The following FOCAD variants were observed in gnomAD, a reference collection of about 807,000 sequenced individuals.
FOCAD encodes KIAA1797.
FOCAD carries 198 observed loss-of-function variants against 225.6 expected under a neutral mutation model. That is an observed-to-expected ratio of 0.88 (90% confidence interval 0.78 to 0.99). The LOEUF (loss-of-function observed/expected upper bound fraction) is 0.99. Ranked by LOEUF, FOCAD falls within the 50% of genes least tolerant of loss-of-function variation. The pLI is 0.00. For synonymous variants in FOCAD, 897 were observed against 755.0 expected (o/e 1.19, Z -3.08); for missense variants, 2,713 against 2,123.6 (o/e 1.28, Z -5.46).
intron 37 of FOCAD, 72 bp from the exon 38 acceptor site, chr9:20,981,354 G>T (rs1840682000): frequency 1.3e-6 from 2 of 1,499,580 alleles, no homozygotes; most frequent in Non-Finnish European, 1.8e-6. Context: ...ACACAGTGAT[G>T]ATGTACAGGT....
At chr9:20,749,102 C>A (rs1301800954) in intron 5 of FOCAD, among the ~76,000 whole-genome samples, 1 of 152,070 alleles carries the variant, frequency 6.6e-6, no homozygotes, top group East Asian at 1.9e-4. Context: ...TGTTTCCCCC[C>A]AACCAATTAC....
intron 15 of FOCAD, among the ~76,000 whole-genome samples, chr9:20,834,865 T>C (rs893201246): frequency 3.9e-5 from 6 of 152,154 alleles, no homozygotes; most frequent in African/African-American, 1.4e-4. Flanking sequence ...ATACAAACTA[T>C]ATAACATTAG....
intron 15 of FOCAD, among the ~76,000 whole-genome samples, chr9:20,850,666 A>T (rs1827556907): frequency 6.6e-6 from 1 of 151,626 alleles, no homozygotes; most frequent in South Asian, 2.1e-4. Context: ...TTATGCTTTA[A>T]ACTTGATTTT....
In FOCAD at chr9:20,946,949, A is replaced by C. The variant is rs1038459482; in HGVS notation, c.3675+129A>C. 16 of 1,192,672 alleles carry C rather than the reference A, an allele frequency of 1.3e-5. No individual in the cohort carries two copies. The African/African-American group carries it at 2.2e-4, about 16-fold the overall frequency. 73.9% of individuals were successfully genotyped at this position (1,192,672 alleles called of 1,614,324 possible). On this transcript the variant is annotated intron_variant, in intron 30 of 43. Coordinates refer to ENST00000338382, the MANE Select transcript of FOCAD (RefSeq NM_001375567.1). Reference sequence around the variant, plus strand: ...GTCTAGAACTGAGGAACTTCTAACTATTCTCTTTTCTCACAGCTGTAGCCA... The same window carrying C: ...GTCTAGAACTGAGGAACTTCTAACTCTTCTCTTTTCTCACAGCTGTAGCCA...
intron 15 of FOCAD, among the ~76,000 whole-genome samples, chr9:20,859,044 C>T (rs1828504831): frequency 6.6e-6 from 1 of 151,924 alleles, no homozygotes; most frequent in South Asian, 2.1e-4. Flanking sequence ...CTCCTCAGCA[C>T]TTTTAAGATC....
chr9:20,656,581 C>G (rs1348151933), upstream of FOCAD, among the ~76,000 whole-genome samples: 2 of 151,680 alleles, frequency 1.3e-5, no homozygotes, highest in Non-Finnish European at 1.5e-5. Context: ...TCTGTTTTAT[C>G]AGAGACTAGT....
At chr9:20,856,011 T>A (rs1198567527) in intron 15 of FOCAD, among the ~76,000 whole-genome samples, 1 of 152,004 alleles carries the variant, frequency 6.6e-6, no homozygotes, top group Non-Finnish European at 1.5e-5. Flanking sequence ...CTTAGGTTGC[T>A]TCCAAATCTT....
chr9:20,767,454 G>T (rs1357200728), intron 7 of FOCAD, among the ~76,000 whole-genome samples: 1 of 148,760 alleles, frequency 6.7e-6, no homozygotes. Flanking sequence ...GTGTAAAAGT[G>T]TTCCTATTTC....
intron 14 of FOCAD, 67 bp downstream of exon 14, chr9:20,821,138 G>A: frequency 6.8e-7 from 1 of 1,462,390 alleles, no homozygotes; most frequent in South Asian, 1.4e-5. Flanking sequence ...TTTTTTAATT[G>A]CAAGCAAGAG....
At chr9:20,784,981 A>G (rs1458207193) in intron 10 of FOCAD, among the ~76,000 whole-genome samples, 4 of 151,282 alleles carry the variant, frequency 2.6e-5, no homozygotes, top group Non-Finnish European at 5.9e-5. Context: ...TAGTGACTGA[A>G]TCTGTGTGGT....
intron 8 of FOCAD, among the ~76,000 whole-genome samples, chr9:20,770,928 T>C (rs1412976473): frequency 6.6e-6 from 1 of 152,190 alleles, no homozygotes; most frequent in Non-Finnish European, 1.5e-5. Flanking sequence ...ATAGAATACA[T>C]AGATGAAAAG....
intron 27 of FOCAD, among the ~76,000 whole-genome samples, chr9:20,929,926 C>CT (rs928144241): frequency 2.0e-5 from 3 of 152,042 alleles, no homozygotes; most frequent in Non-Finnish European, 4.4e-5. Flanking sequence ...TAAAAAGCTT[C>CT]TTTTTTCTGG....
intron 5 of FOCAD, among the ~76,000 whole-genome samples, chr9:20,749,314 A>C (rs1828340212): frequency 6.6e-6 from 1 of 152,158 alleles, no homozygotes; most frequent in Admixed American, 6.6e-5. Context: ...AAAAATGACA[A>C]AATTAAAGTT....
chr9:20,767,918 G>A (rs1422027315), intron 7 of FOCAD, among the ~76,000 whole-genome samples: 1 of 152,142 alleles, frequency 6.6e-6, no homozygotes, highest in Non-Finnish European at 1.5e-5. Context: ...TGTCCTGAAT[G>A]GTGATGCCTA....
intron 10 of FOCAD, among the ~76,000 whole-genome samples, chr9:20,784,736 A>G (rs1235612479): frequency 6.6e-6 from 1 of 152,166 alleles, no homozygotes; most frequent in East Asian, 1.9e-4. Context: ...ATTTTATTTG[A>G]AATTGCTTTG....
intron 4 of FOCAD, among the ~76,000 whole-genome samples, chr9:20,729,372 CTT>C (rs1189094770): frequency 1.3e-5 from 2 of 152,164 alleles, no homozygotes; most frequent in Admixed American, 1.3e-4. Flanking sequence ...CTGTATATCT[CTT>C]TGTCTCCAAT....
At chr9:20,948,773 C>G (rs1193576929) in intron 31 of FOCAD, 78 bp from the exon 32 acceptor site, 1 of 1,483,972 alleles carries the variant, frequency 6.7e-7, no homozygotes, top group Non-Finnish European at 9.4e-7. Flanking sequence ...ATTTATTTCT[C>G]CGTGTCCTCA....
chr9:20,750,401 A>T lies in FOCAD; in HGVS notation c.393-7689A>T, dbSNP rs1017473180. On this transcript the variant is annotated intron_variant, in intron 5 of 43. Transcript: ENST00000338382. ...TTGTACCCACTTATGTAGTTCTTCT[A>T]TTTGCTAGATATTATATTAAATGCT... Among the ~76,000 whole-genome samples the T allele has an allele frequency of 2.6e-5, 4 of 152,306 alleles. 1 individual carries two copies. In the East Asian group the frequency reaches 7.7e-4, roughly 29 times the overall value.
chr9:20,770,976 A>G (rs1298159303), intron 8 of FOCAD, among the ~76,000 whole-genome samples: 4 of 152,216 alleles, frequency 2.6e-5, no homozygotes, highest in African/African-American at 7.2e-5. Context: ...CAGACATGCA[A>G]ATAACTAAAT....
Sources: allele counts gnomAD v4.1 joint callset (sites outside exome capture counted in the v4.1 genomes callset), GRCh38; gene constraint gnomAD v4.1.1; transcripts MANE v1.5; gene names NCBI Gene and HGNC (gene_info 2026-07-23, HGNC 2026-07-21).